Variants in MKLN1 observed in about 807,000 individuals in gnomAD.
The protein encoded by MKLN1 is muskelin 1.
In MKLN1, 18 loss-of-function variants were observed where a neutral mutation model predicts 99.0. That is an observed-to-expected ratio of 0.18 (90% CI 0.13 to 0.27). MKLN1 has a LOEUF of 0.27. MKLN1 is among the 10% of genes least tolerant of loss of function. The pLI, the probability that MKLN1 is intolerant of heterozygous loss-of-function variation, is 1.00. For synonymous variants in MKLN1, 288 were observed against 293.2 expected (o/e 0.98, Z 0.18); for missense variants, 621 against 875.9 (o/e 0.71, Z 3.67).
intron 4 of MKLN1, among the ~76,000 whole-genome samples, chr7:131,395,473 T>G (rs1563327282): frequency 6.7e-6 from 1 of 149,184 alleles, no homozygotes; most frequent in Non-Finnish European, 1.5e-5. Flanking sequence ...TTATTTTATT[T>G]TATTTTATTT....
chr7:131,399,778 AGGG>A (rs905537423), intron 6 of MKLN1, among the ~76,000 whole-genome samples: 2 of 152,162 alleles, frequency 1.3e-5, no homozygotes, highest in African/African-American at 4.8e-5. Flanking sequence ...TTTGAGGAGA[AGGG>A]GGGCTAGATA....
chr7:131,377,784 G>A (rs1793707996), intron 2 of MKLN1, among the ~76,000 whole-genome samples: 1 of 152,106 alleles, frequency 6.6e-6, no homozygotes, highest in Admixed American at 6.5e-5. Context: ...GAATACTGTA[G>A]GGAATTAAAT....
rs529106618 is a variant in MKLN1, at chr7:131,249,865, C to T, written c.-179+46891C>T. ...GGAGCATGGCTCAGATTATAAGTGT[C>T]CTCTTGCCCGTCATGCTGGCAGGTC... On this transcript the variant is annotated intron_variant, in intron 3 of 7. Coordinates refer to the MKLN1 transcript ENST00000416992. Among the ~76,000 whole-genome samples the T allele has an allele frequency of 7.9e-4, 120 of 152,166 alleles. 1 individual carries two copies. Among genetic ancestry groups the T allele is most frequent in the Non-Finnish European group, 1.6e-3 (110 of 68,022 alleles).
intron 1 of MKLN1, among the ~76,000 whole-genome samples, chr7:131,113,848 A>C (rs1305161206): frequency 6.6e-6 from 1 of 152,066 alleles, no homozygotes; most frequent in East Asian, 1.9e-4. Flanking sequence ...AGCCACCTTC[A>C]CAAGGCAGCA....
intron 9 of MKLN1, among the ~76,000 whole-genome samples, 178 bp from the exon 10 acceptor site, chr7:131,437,607 T>G (rs930708219): frequency 1.3e-5 from 2 of 152,214 alleles, no homozygotes; most frequent in African/African-American, 4.8e-5. Flanking sequence ...CTGCTTTTGC[T>G]TTCCTTTAGA....
At chr7:131,180,309 A>C (rs1796360391) in intron 2 of MKLN1, among the ~76,000 whole-genome samples, 1 of 152,244 alleles carries the variant, frequency 6.6e-6, no homozygotes, top group South Asian at 2.1e-4. Context: ...CACAGATCCT[A>C]AAATGAAGCA....
At chr7:131,440,988 T>A (rs966645932) in intron 10 of MKLN1, among the ~76,000 whole-genome samples, 1 of 152,212 alleles carries the variant, frequency 6.6e-6, no homozygotes, top group Non-Finnish European at 1.5e-5. Context: ...TGGTATCAGA[T>A]TTCTCTACAT....
At position 131,233,416 on chromosome 7, in the gene MKLN1, T is replaced by A. The variant is rs562703833; in HGVS notation, c.-179+30442T>A. 4.0e-5 allele frequency among the ~76,000 whole-genome samples: 5 copies of A among 124,354 alleles called. No homozygotes were observed. The South Asian group carries it at 1.1e-3, about 28-fold the overall frequency. 81.6% of individuals were successfully genotyped at this position (124,354 alleles called of 152,430 possible). On this transcript the variant is annotated intron_variant, in intron 3 of 7. Transcript: ENST00000416992. ...AATAAATAAATAAATAAAAATAAAG[T>A]TTATATTTTGCGTCATGACAGGGTT... is the stretch of plus-strand genomic sequence containing the variant.
intron 1 of MKLN1, among the ~76,000 whole-genome samples, chr7:131,355,801 T>C (rs1043272554): frequency 4.0e-5 from 6 of 151,420 alleles, no homozygotes; most frequent in Non-Finnish European, 5.9e-5. Flanking sequence ...GCTGGAATTA[T>C]AGGTGTGAGC....
intron 2 of MKLN1, among the ~76,000 whole-genome samples, chr7:131,198,129 G>A (rs889211034): frequency 2.0e-5 from 3 of 152,172 alleles, no homozygotes; most frequent in Non-Finnish European, 4.4e-5. Flanking sequence ...CACCACAAAG[G>A]CCAGGCCCTG....
intron 1 of MKLN1, among the ~76,000 whole-genome samples, chr7:131,132,947 A>AGAAAGAAAGAAAGAAAGAAAGAAAG (rs1182285897): frequency 1.1e-4 from 6 of 56,604 alleles, no homozygotes; most frequent in African/African-American, 3.1e-4. Flanking sequence ...AAAAAAAAAA[A>AGAAAGAAAGAAAGAAAGAAAGAAAG]AAAGAAAGAA....
intron 1 of MKLN1, among the ~76,000 whole-genome samples, chr7:131,352,928 A>G (rs1799762482): frequency 6.6e-6 from 1 of 152,156 alleles, no homozygotes; most frequent in Admixed American, 6.5e-5. Context: ...TATTCCCTTT[A>G]CAATGGGCTA....
intron 2 of MKLN1, among the ~76,000 whole-genome samples, chr7:131,158,334 T>C (rs1363342320): frequency 2.0e-5 from 3 of 152,316 alleles, no homozygotes; most frequent in South Asian, 2.1e-4. Flanking sequence ...TTCTGGAGGC[T>C]GAGGCAGGAG....
At chr7:131,260,821 T>C (rs1467236877) in intron 3 of MKLN1, among the ~76,000 whole-genome samples, 2 of 152,100 alleles carry the variant, frequency 1.3e-5, no homozygotes, top group Non-Finnish European at 2.9e-5. Flanking sequence ...TGGAACAGAA[T>C]AGATAGCCTA....
intron 3 of MKLN1, among the ~76,000 whole-genome samples, chr7:131,216,186 G>C (rs1289340132): frequency 6.6e-6 from 1 of 152,062 alleles, no homozygotes; most frequent in East Asian, 1.9e-4. Context: ...GATCACCTGA[G>C]GTCAGGAGTT....
chr7:131,471,429 T>C (rs1796818166), intron 16 of MKLN1, among the ~76,000 whole-genome samples: 1 of 152,220 alleles, frequency 6.6e-6, no homozygotes, highest in South Asian at 2.1e-4. Flanking sequence ...CAGTATTGTT[T>C]GTCTATAGGC....
At chr7:131,133,313 TTTTTA>T (rs1340870134) in intron 1 of MKLN1, among the ~76,000 whole-genome samples, 1 of 140,244 alleles carries the variant, frequency 7.1e-6, no homozygotes, top group African/African-American at 2.7e-5. Flanking sequence ...TCTTTTTTAT[TTTTTA>T]TTTTAATTTT....
At chr7:131,467,423 G>A (rs1185228543) in intron 15 of MKLN1, among the ~76,000 whole-genome samples, 2 of 152,136 alleles carry the variant, frequency 1.3e-5, no homozygotes, top group Admixed American at 6.5e-5. Flanking sequence ...CAGGTGAGGG[G>A]GGTGGGAATA....
At chr7:131,222,583 C>T (rs779875602) in intron 3 of MKLN1, among the ~76,000 whole-genome samples, 17 of 152,162 alleles carry the variant, frequency 1.1e-4, no homozygotes, top group African/African-American at 9.7e-5. Flanking sequence ...TCCTCTGAAA[C>T]TTCTGTGTGC....
Sources: gnomAD v4.1 joint callset for allele counts (sites outside exome capture counted in the v4.1 genomes callset) on GRCh38, gnomAD v4.1.1 for gene constraint, MANE v1.5 for transcripts, NCBI Gene and HGNC (gene_info 2026-07-23, HGNC 2026-07-21) for gene names.